Variants in CNTLN observed in about 807,000 individuals in gnomAD.
CNTLN encodes centlein.
Under a neutral mutation model 180.0 loss-of-function variants are expected in CNTLN, and 212 were observed. The ratio of observed to expected loss-of-function variants is 1.18; its 90% CI spans 1.05 to 1.32. CNTLN has a LOEUF of 1.32. Among genes scored for constraint, CNTLN ranks in the 40% most tolerant of loss-of-function variants. The pLI is 0.00. For missense variants in CNTLN, 2,095 were observed against 1,610.9 expected (o/e 1.30, Z -5.14); for synonymous variants, 722 against 563.1 (o/e 1.28, Z -3.99).
At chr9:17,248,625 A>T (rs1246454362) in intron 5 of CNTLN, among the ~76,000 whole-genome samples, 1 of 149,478 alleles carries the variant, frequency 6.7e-6, no homozygotes, top group Non-Finnish European at 1.5e-5. Context: ...ATCAACTAAG[A>T]AAATCAATAA....
intron 5 of CNTLN, among the ~76,000 whole-genome samples, chr9:17,250,927 TGTA>T (rs1826100653): frequency 1.3e-5 from 2 of 152,116 alleles, no homozygotes; most frequent in Admixed American, 1.3e-4. Context: ...TTGCATTTCT[TGTA>T]GTGCATCTGA....
the CNTLN span, among the ~76,000 whole-genome samples, chr9:17,515,998 C>G: frequency 1.3e-5 from 2 of 152,192 alleles, no homozygotes; most frequent in Admixed American, 6.5e-5. Context: ...CTTATACTCA[C>G]TCCACATCAC....
intron 8 of CNTLN, among the ~76,000 whole-genome samples, chr9:17,320,084 G>T (rs1039578528): frequency 5.3e-5 from 8 of 152,188 alleles, no homozygotes; most frequent in Admixed American, 2.0e-4. Context: ...GAAAGCCAGG[G>T]TTTACTATAT....
chr9:17,201,556 A>G (rs141711536), intron 2 of CNTLN, among the ~76,000 whole-genome samples: 2,820 of 152,196 alleles, frequency 0.019, 56 homozygotes, highest in African/African-American at 0.048. Context: ...TTTCTGGTTT[A>G]GTCTTGGGAG....
chr9:17,371,876 T>A (rs1269949437), intron 13 of CNTLN, among the ~76,000 whole-genome samples: 1 of 152,122 alleles, frequency 6.6e-6, no homozygotes, highest in Non-Finnish European at 1.5e-5. Flanking sequence ...CGTGTGTCAA[T>A]GAAGAAATTA....
In CNTLN at chr9:17,362,455, A is replaced by G. The variant is rs577189232; in HGVS notation, c.1887-4162A>G. On this transcript the variant is annotated intron_variant, in intron 12 of 25. Coordinates refer to ENST00000380647, the MANE Select transcript of CNTLN (RefSeq NM_017738.4). ...TTAAAATCCTTATGTGTGTGAATTG[A>G]TGTTTATAATATATGAACAAAAAAT... 1.2e-4 allele frequency among the ~76,000 whole-genome samples: 18 copies of G among 152,264 alleles called. No homozygotes were observed. The South Asian group carries it at 3.5e-3, about 30-fold the overall frequency.
chr9:17,154,548 A>G (rs777226995), intron 2 of CNTLN, among the ~76,000 whole-genome samples: 1 of 152,238 alleles, frequency 6.6e-6, no homozygotes, highest in Non-Finnish European at 1.5e-5. Context: ...GATGCCAGCC[A>G]GAACTCTCCT....
intron 25 of CNTLN, among the ~76,000 whole-genome samples, chr9:17,491,365 A>T (rs1260140583): frequency 3.3e-5 from 5 of 152,142 alleles, no homozygotes; most frequent in Non-Finnish European, 7.4e-5. Flanking sequence ...ATAAATAGTT[A>T]AAATGTATAA....
intron 15 of CNTLN, among the ~76,000 whole-genome samples, chr9:17,399,217 T>A (rs565466369): frequency 6.6e-6 from 1 of 152,360 alleles, no homozygotes; most frequent in Non-Finnish European, 1.5e-5. Flanking sequence ...CCATGTATTA[T>A]ATGTGTGATA....
At chr9:17,458,738 C>G (rs1366775244) in intron 19 of CNTLN, among the ~76,000 whole-genome samples, 1 of 151,868 alleles carries the variant, frequency 6.6e-6, no homozygotes, top group Non-Finnish European at 1.5e-5. Flanking sequence ...AATATACAAA[C>G]TAGCATTGGG....
chr9:17,318,734 G>C (rs2133015589), intron 8 of CNTLN, among the ~76,000 whole-genome samples: 1 of 152,220 alleles, frequency 6.6e-6, no homozygotes, highest in Admixed American at 6.5e-5. Context: ...GAAGAGAAAT[G>C]TGTGACTTAA....
chr9:17,139,123 T>A (rs967745286), intron 1 of CNTLN, among the ~76,000 whole-genome samples: 20 of 152,174 alleles, frequency 1.3e-4, no homozygotes, highest in African/African-American at 4.8e-5. Context: ...AGTCTCGCTC[T>A]GTCGCCCAGG....
chr9:17,166,738 A>G (rs1366369188), intron 2 of CNTLN: 1 of 264,412 alleles, frequency 3.8e-6, no homozygotes, highest in Non-Finnish European at 7.8e-6. Context: ...ATAACCAGCC[A>G]GATATTAATC....
intron 5 of CNTLN, among the ~76,000 whole-genome samples, chr9:17,250,342 G>A (rs913784574): frequency 6.6e-6 from 1 of 151,830 alleles, no homozygotes; most frequent in African/African-American, 2.4e-5. Context: ...TCTGACTGGA[G>A]AATTTAATTC....
intron 20 of CNTLN, 25 bp from the exon 21 acceptor site, chr9:17,464,470 CTT>C (rs2134199878): frequency 5.3e-6 from 8 of 1,521,744 alleles, no homozygotes; most frequent in Non-Finnish European, 7.0e-6. Flanking sequence ...TTCTGTCACT[CTT>C]GATGTCACCT....
At chr9:17,222,765 T>A (rs1339733338) in intron 2 of CNTLN, among the ~76,000 whole-genome samples, 1 of 152,108 alleles carries the variant, frequency 6.6e-6, no homozygotes, top group African/African-American at 2.4e-5. Context: ...TTTGGTATAC[T>A]TGATCATTCC....
At chr9:17,400,987 C>T (rs2133780412) in intron 15 of CNTLN, among the ~76,000 whole-genome samples, 1 of 152,220 alleles carries the variant, frequency 6.6e-6, no homozygotes, top group East Asian at 1.9e-4. Context: ...AATTTTTATA[C>T]TGCTATTTTT....
chr9:17,181,122 T>C (rs543190018), intron 2 of CNTLN, among the ~76,000 whole-genome samples: 10 of 152,360 alleles, frequency 6.6e-5, no homozygotes, highest in Non-Finnish European at 1.2e-4. Context: ...AGTCACTGTT[T>C]CTTTGTATAT....
At chr9:17,267,103 C>T (rs1033555432) in intron 5 of CNTLN, among the ~76,000 whole-genome samples, 1 of 152,042 alleles carries the variant, frequency 6.6e-6, no homozygotes, top group African/African-American at 2.4e-5. Context: ...GGTTATTTTG[C>T]TCGTTAGTTG....
Sources: allele counts gnomAD v4.1 joint callset (sites outside exome capture counted in the v4.1 genomes callset), GRCh38; gene constraint gnomAD v4.1.1; transcripts MANE v1.5; gene names NCBI Gene and HGNC (gene_info 2026-07-23, HGNC 2026-07-21).